PCDHGB5: variants seen among roughly 807,000 people sequenced by gnomAD.
PCDHGB5 encodes the protein protocadherin gamma-B5.
Under a neutral mutation model 62.9 loss-of-function variants are expected in PCDHGB5, and 48 were observed. That is an observed-to-expected ratio of 0.76 (90% CI 0.61 to 0.97). The LOEUF is 0.97. PCDHGB5 is among the 50% of genes least tolerant of loss of function. The probability of loss-of-function intolerance (pLI) is 0.00; values close to 1 mark genes in which losing one functional copy is unlikely to be tolerated. For synonymous variants in PCDHGB5, 474 were observed against 511.2 expected, an observed-to-expected ratio of 0.93 and a Z score of 0.98; for missense variants, 1,118 against 1,198.6, an observed-to-expected ratio of 0.93 and a Z score of 0.99.
chr5:141,405,568 T>C, intron 1 of PCDHGB5: 1 of 606,666 alleles, frequency 1.6e-6, no homozygotes, highest in South Asian at 2.1e-5. Context: ...GGGACTAGAG[T>C]AGAGTAGCTG....
At position 141,486,408 on chromosome 5, in the gene PCDHGB5, C is replaced by G; in HGVS notation, c.2398-8399C>G. The G allele has an allele frequency of 1.2e-6, 2 of 1,614,156 alleles. No homozygotes were observed. The highest frequency in any genetic ancestry group is 1.7e-6 in the Non-Finnish European group (2 of 1,180,014). Reference sequence around the variant, plus strand: ...CAGTTCTCCCTGGTGACTGCTGGACCCTTGGATCGAGAGGCCAAATCTAGC... The same window carrying G: ...CAGTTCTCCCTGGTGACTGCTGGACGCTTGGATCGAGAGGCCAAATCTAGC... On this transcript the variant is annotated intron_variant, in intron 1 of 3. Transcript: ENST00000617380. This position sits in a 1 kb window ranked among gnomAD's most constrained non-coding sequence, Gnocchi z 5.0.
chr5:141,459,028 C>T (rs373532898), intron 1 of PCDHGB5, among the ~76,000 whole-genome samples: 1 of 152,202 alleles, frequency 6.6e-6, no homozygotes, highest in Non-Finnish European at 1.5e-5. Context: ...CCACCACATC[C>T]AGCCTTACCA....
chr5:141,422,838 C>G, intron 1 of PCDHGB5: 3 of 1,614,252 alleles, frequency 1.9e-6, no homozygotes, highest in African/African-American at 2.7e-5. Flanking sequence ...TAGCACGTGA[C>G]AGCGGGGACC....
At position 141,404,170 on chromosome 5, in the gene PCDHGB5, G is replaced by C. The variant is rs73279089; in HGVS notation, c.2397+3646G>C. Reference sequence around the variant, plus strand: ...AAGAAGATTATTACAGATTGTTGACGGCCCAAATTCTTGACCGAGAAAAAG... The same window carrying C: ...AAGAAGATTATTACAGATTGTTGACCGCCCAAATTCTTGACCGAGAAAAAG... On this transcript the variant is annotated intron_variant, in intron 1 of 3. Coordinates refer to ENST00000617380, the MANE Select transcript of PCDHGB5 (RefSeq NM_018925.3). The C allele has an allele frequency of 1.5e-3, 2,365 of 1,612,738 alleles. 32 individuals are homozygous for C. In the African/African-American group the frequency reaches 0.028, roughly 19 times the overall value.
chr5:141,499,921 C>A, intron 2 of PCDHGB5, among the ~76,000 whole-genome samples: 1 of 152,128 alleles, frequency 6.6e-6, no homozygotes, highest in Middle Eastern at 3.2e-3. Context: ...CTCCTGGCCT[C>A]AAGTGATCCA....
intron 1 of PCDHGB5, among the ~76,000 whole-genome samples, chr5:141,407,531 T>C (rs757019162): frequency 3.3e-5 from 5 of 151,462 alleles, no homozygotes; most frequent in South Asian, 2.1e-4. Context: ...TAACTTATTG[T>C]GCATTGGTAA....
chr5:141,420,458 C>A, intron 1 of PCDHGB5: 3 of 925,194 alleles, frequency 3.2e-6, no homozygotes, highest in Non-Finnish European at 2.9e-6. Context: ...TCCTACTATT[C>A]AAAGACATTT....
intron 1 of PCDHGB5, 53 bp downstream of exon 1, chr5:141,400,577 T>G: frequency 6.2e-7 from 1 of 1,611,914 alleles, no homozygotes; most frequent in East Asian, 2.2e-5. Flanking sequence ...TTTTCTGTAT[T>G]TACATGAAAC....
Position 141,486,032 on chromosome 5 carries a change from G to C in PCDHGB5, c.2398-8775G>C, listed in dbSNP as rs560909128. The C allele has an allele frequency of 1.2e-6, 2 of 1,614,166 alleles. No individual in the cohort carries two copies. Among genetic ancestry groups the C allele is most frequent in the African/African-American group, 2.7e-5 (2 of 75,034 alleles). On this transcript the variant is annotated intron_variant, in intron 1 of 3. Transcript: ENST00000617380. This position sits in a 1 kb window ranked among gnomAD's most constrained non-coding sequence, Gnocchi z 5.0. ...CTTTTATTTCAGTGGTCATACCCCT[G>C]ATCGTGTAAGAAACCTCTTTAGCCT... is the stretch of plus-strand genomic sequence containing the variant.
chr5:141,422,087 G>A, intron 1 of PCDHGB5: 6 of 1,611,966 alleles, frequency 3.7e-6, no homozygotes, highest in Non-Finnish European at 5.1e-6. Context: ...AACATGGAAA[G>A]CAAGGCTTCT....
intron 1 of PCDHGB5, chr5:141,415,943 T>A: frequency 1.8e-6 from 1 of 552,806 alleles, no homozygotes; most frequent in Non-Finnish European, 2.7e-6. Flanking sequence ...TCCTCCTGGG[T>A]GGTCACATAT....
At chr5:141,496,948 G>A (rs2099772844) in intron 2 of PCDHGB5, among the ~76,000 whole-genome samples, 1 of 151,826 alleles carries the variant, frequency 6.6e-6, no homozygotes, top group Admixed American at 6.6e-5. Context: ...CACTTTGGGA[G>A]GCCAAGGTGG....
rs2099749632 is a variant in PCDHGB5, at chr5:141,493,698, C to T, written c.2398-1109C>T. The stretch of plus-strand genomic sequence containing the variant: ...AGAATGGTGCTGGTGACTCCCGATA[C>T]ACCTGGAATGCTAGGTTTCTGGGTT... On this transcript the variant is annotated intron_variant, in intron 1 of 3. Transcript: ENST00000617380. This position sits in a 1 kb window ranked among gnomAD's most constrained non-coding sequence, Gnocchi z 4.3. Among the ~76,000 whole-genome samples the T allele has an allele frequency of 6.6e-6, 1 of 152,208 alleles. No individual in the cohort carries two copies. Among genetic ancestry groups the T allele is most frequent in the Non-Finnish European group, 1.5e-5 (1 of 68,034 alleles).
intron 1 of PCDHGB5, chr5:141,421,720 G>T: frequency 6.2e-7 from 1 of 1,613,906 alleles, no homozygotes. Context: ...AGATGTGGGC[G>T]TGAACTCCCT....
intron 1 of PCDHGB5, among the ~76,000 whole-genome samples, chr5:141,401,149 C>T (rs1398876381): frequency 6.6e-6 from 1 of 152,132 alleles, no homozygotes; most frequent in Non-Finnish European, 1.5e-5. Flanking sequence ...CAAGACCAGC[C>T]TGGGCAATAT....
At chr5:141,422,041 G>T in intron 1 of PCDHGB5, 3 of 1,611,632 alleles carry the variant, frequency 1.9e-6, no homozygotes, top group South Asian at 1.1e-5. Context: ...GGATCCAGAC[G>T]AGGGAATCAA....
At chr5:141,408,605 A>G (rs1374368607) in intron 1 of PCDHGB5, 1 of 1,614,060 alleles carries the variant, frequency 6.2e-7, no homozygotes, top group South Asian at 1.1e-5. Flanking sequence ...TCAATTTGAT[A>G]AAAAGGAAAT....
rs971610218 is a variant in PCDHGB5, at chr5:141,400,979, C to T, written c.2397+455C>T. Among the ~76,000 whole-genome samples, 10 of 152,258 alleles carry T rather than the reference C, an allele frequency of 6.6e-5. No individual in the cohort carries two copies. The East Asian group carries it at 9.6e-4, about 15-fold the overall frequency. ...GTAGTTTTCATCTCTTTCTTATGTT[C>T]CTCATATATGCTTTCTTATTCCTAC... On this transcript the variant is annotated intron_variant, in intron 1 of 3. Transcript: ENST00000617380.
At chr5:141,484,120 C>A (rs1158603108) in intron 1 of PCDHGB5, among the ~76,000 whole-genome samples, 1 of 152,146 alleles carries the variant, frequency 6.6e-6, no homozygotes, top group African/African-American at 2.4e-5. Flanking sequence ...ATCAAGAATA[C>A]CTTGGTGTCA....
Sources: allele counts gnomAD v4.1 joint callset (sites outside exome capture counted in the v4.1 genomes callset), GRCh38; gene constraint gnomAD v4.1.1; non-coding constraint Gnocchi (gnomAD v3.1); transcripts MANE v1.5; gene names NCBI Gene and HGNC (gene_info 2026-07-23, HGNC 2026-07-21).